The following REPS1 variants were observed in gnomAD, a reference collection of about 807,000 sequenced individuals.
REPS1 encodes ralBP1-associated Eps domain-containing protein 1.
A neutral mutation model predicts 100.9 loss-of-function variants in REPS1; 39 were observed. That is an observed-to-expected ratio of 0.39 (90% CI 0.30 to 0.50). REPS1 has a LOEUF of 0.50. Ranked by LOEUF, REPS1 falls within the 20% of genes least tolerant of loss-of-function variation. The probability of loss-of-function intolerance (pLI) is 0.86; values close to 1 mark genes in which losing one functional copy is unlikely to be tolerated. For synonymous variants in REPS1, 324 were observed against 340.3 expected, an observed-to-expected ratio of 0.95 and a Z score of 0.53; for missense variants, 821 against 968.5, an observed-to-expected ratio of 0.85 and a Z score of 2.02.
intron 17 of REPS1, among the ~76,000 whole-genome samples, chr6:138,910,700 A>G (rs1307545790): frequency 6.6e-6 from 1 of 152,190 alleles, no homozygotes; most frequent in Non-Finnish European, 1.5e-5. Context: ...ATTCCTTTAT[A>G]GCAATGCAGA....
At chr6:138,969,618 G>A (rs972012429) in intron 1 of REPS1, among the ~76,000 whole-genome samples, 3 of 151,812 alleles carry the variant, frequency 2.0e-5, no homozygotes, top group Non-Finnish European at 4.4e-5. Context: ...CAAAATGGTT[G>A]GCAACCTGAG....
In REPS1 at chr6:138,954,556, T is replaced by C. The variant is rs529842961; in HGVS notation, c.154-6643A>G. On this transcript the variant is annotated intron_variant, in intron 1 of 19. Transcript: ENST00000450536. ...AAAATTTCATGATGTTTTAAGAAAG[T>C]TTACAAATTTGTGTTGGGCTGCATT... Among the ~76,000 whole-genome samples the C allele has an allele frequency of 8.4e-4, 126 of 150,146 alleles. 2 individuals are homozygous for C. The highest frequency in any genetic ancestry group is 3.0e-4 in the Non-Finnish European group (20 of 67,694).
At position 138,944,514 on chromosome 6, in the gene REPS1, T is replaced by C. The variant is rs201655056; in HGVS notation, c.737A>G (p.His246Arg). 1.9e-6 allele frequency: 3 copies of C among 1,613,986 alleles called. No homozygotes were observed. The highest frequency in any genetic ancestry group is 2.2e-5 in the East Asian group (1 of 44,870). The stretch of plus-strand genomic sequence containing the variant: ...ATGTCACACCTGGACAGAAGCAGGA[T>C]GCATGGTTAAAAGAGTACTGGTTGG... ...TPPTSTLLTMHPASVQDQTTV... is the reference protein window; with the variant it reads ...TPPTSTLLTMRPASVQDQTTV... The change falls in exon 5 of 20, where the codon CAT becomes CGT. Residue 246 changes from histidine to arginine, a missense_variant. Around this residue, in one of 3 missense-constraint regions of REPS1, gnomAD observed 757 missense variants for 866.4 expected, o/e 0.87. Transcript: ENST00000450536.
chr6:138,938,525 TAATTCATCC>T (rs1166232513), intron 8 of REPS1, among the ~76,000 whole-genome samples: 1 of 152,220 alleles, frequency 6.6e-6, no homozygotes, highest in Non-Finnish European at 1.5e-5. Flanking sequence ...CATGTAGAAT[TAATTCATCC>T]AATATTAGTG....
intron 19 of REPS1, 182 bp downstream of exon 19, chr6:138,907,313 A>AAGTGTGTGTGG: frequency 7.5e-6 from 1 of 132,592 alleles, no homozygotes; most frequent in Non-Finnish European, 1.5e-5. Flanking sequence ...AAAAAAAAAA[A>AAGTGTGTGTGG]GTGTGTGTGT....
intron 10 of REPS1, among the ~76,000 whole-genome samples, chr6:138,926,026 G>A (rs1183098362): frequency 2.6e-5 from 4 of 152,162 alleles, no homozygotes; most frequent in Non-Finnish European, 4.4e-5. Flanking sequence ...AGTTACATAT[G>A]TAGGACATAT....
At chr6:138,923,922 T>C (rs776645885) in intron 10 of REPS1, among the ~76,000 whole-genome samples, 31 of 149,280 alleles carry the variant, frequency 2.1e-4, no homozygotes, top group Non-Finnish European at 3.2e-4. Flanking sequence ...GTAGAGTTTT[T>C]CCCCCCAGGT....
intron 9 of REPS1, chr6:138,927,618 A>T (rs1364228838): frequency 1.3e-5 from 2 of 152,212 alleles, no homozygotes; most frequent in East Asian, 3.8e-4. Flanking sequence ...TAAGTTGAGA[A>T]GATATGTAAA....
At chr6:138,960,350 A>C (rs1783658279) in intron 1 of REPS1, among the ~76,000 whole-genome samples, 1 of 152,118 alleles carries the variant, frequency 6.6e-6, no homozygotes, top group African/African-American at 2.4e-5. Flanking sequence ...CCTTTCCCTA[A>C]GTTTTTGTTT....
chr6:138,946,023 T>A (rs1454703104), intron 2 of REPS1, among the ~76,000 whole-genome samples: 1 of 152,200 alleles, frequency 6.6e-6, no homozygotes, highest in Non-Finnish European at 1.5e-5. Context: ...GCAAAGCTCC[T>A]ATTTACAGAT....
chr6:138,975,636 C>G (rs960356753), intron 1 of REPS1, among the ~76,000 whole-genome samples: 1 of 152,076 alleles, frequency 6.6e-6, no homozygotes, highest in Non-Finnish European at 1.5e-5. Context: ...AGTTCGAGAC[C>G]AGCCTGGCCA....
chr6:138,949,441 T>C (rs1400000452), intron 1 of REPS1, among the ~76,000 whole-genome samples: 1 of 152,214 alleles, frequency 6.6e-6, no homozygotes, highest in Non-Finnish European at 1.5e-5. Context: ...AGAAGTTTTA[T>C]TGTGGCCAGG....
intron 10 of REPS1, among the ~76,000 whole-genome samples, chr6:138,923,905 T>C (rs569801937): frequency 1.3e-5 from 2 of 150,720 alleles, no homozygotes; most frequent in South Asian, 2.1e-4. Flanking sequence ...AAATTCATAA[T>C]AGAAGAGTAG....
At chr6:138,905,370 C>A (rs1779567403) in intron 19 of REPS1, among the ~76,000 whole-genome samples, 1 of 152,194 alleles carries the variant, frequency 6.6e-6, no homozygotes. Context: ...CGGCTCACTG[C>A]AAGCTCCGCT....
chr6:138,973,527 G>C (rs2128504442), intron 1 of REPS1, among the ~76,000 whole-genome samples: 1 of 151,902 alleles, frequency 6.6e-6, no homozygotes, highest in East Asian at 1.9e-4. Context: ...ATCAGTCAAA[G>C]TCTGAATAAG....
At chr6:138,939,057 T>C (rs1029515956) in intron 8 of REPS1, among the ~76,000 whole-genome samples, 2 of 152,014 alleles carry the variant, frequency 1.3e-5, no homozygotes, top group Non-Finnish European at 2.9e-5. Context: ...GGACCCACAG[T>C]GTCACAAGAC....
intron 19 of REPS1, chr6:138,907,266 G>T (rs186122359): frequency 3.0e-6 from 1 of 332,452 alleles, no homozygotes; most frequent in Admixed American, 4.6e-5. Flanking sequence ...AGCCCAGGTT[G>T]CCAGGGTGAT....
intron 8 of REPS1, among the ~76,000 whole-genome samples, chr6:138,938,748 CCA>C (rs769176469): frequency 6.6e-6 from 1 of 152,078 alleles, no homozygotes. Flanking sequence ...CAGAAAGGCT[CCA>C]CAGAGGAATA....
intron 12 of REPS1, among the ~76,000 whole-genome samples, chr6:138,918,274 T>C (rs1780537353): frequency 6.6e-6 from 1 of 152,128 alleles, no homozygotes; most frequent in Admixed American, 6.6e-5. Context: ...ATTTACATTG[T>C]ATTAAGTATT....
Sources: gnomAD v4.1 joint callset for allele counts (sites outside exome capture counted in the v4.1 genomes callset) on GRCh38, gnomAD v4.1.1 for gene constraint, gnomAD v4.1.1 regional missense constraint, MANE v1.5 for transcripts, NCBI Gene and HGNC (gene_info 2026-07-23, HGNC 2026-07-21) for gene names.